MYRIP: variants seen among roughly 807,000 people sequenced by gnomAD.
MYRIP encodes rab effector MyRIP.
MYRIP carries 49 observed loss-of-function variants against 98.0 expected under a neutral mutation model. That is an observed-to-expected ratio of 0.50 (90% CI 0.40 to 0.63). MYRIP has a LOEUF of 0.63. Among genes scored for constraint, MYRIP ranks in the 30% least tolerant of loss-of-function variants. The probability of loss-of-function intolerance (pLI) is 0.00; values close to 1 mark genes in which losing one functional copy is unlikely to be tolerated. For missense variants in MYRIP, 1,004 were observed against 1,058.2 expected (o/e 0.95, Z 0.71); for synonymous variants, 404 against 409.5 (o/e 0.99, Z 0.16).
chr3:39,902,329 G>A (rs1425802990), intron 2 of MYRIP, among the ~76,000 whole-genome samples: 7 of 152,214 alleles, frequency 4.6e-5, no homozygotes, highest in African/African-American at 1.7e-4. Context: ...CAATAGGAGA[G>A]TAGATGGAGC....
chr3:40,108,319 G>A (rs1949094494), intron 3 of MYRIP, among the ~76,000 whole-genome samples: 1 of 71,894 alleles, frequency 1.4e-5, no homozygotes, highest in Non-Finnish European at 3.6e-5. Flanking sequence ...GTGGGAAGTG[G>A]GAGACAGAAG....
chr3:39,872,154 A>G (rs1942811750), intron 1 of MYRIP, among the ~76,000 whole-genome samples: 1 of 152,084 alleles, frequency 6.6e-6, no homozygotes, highest in African/African-American at 2.4e-5. Context: ...TGAATAGCAT[A>G]AATAGTGCTT....
intron 4 of MYRIP, among the ~76,000 whole-genome samples, chr3:40,152,954 CAAAA>C (rs3063626): frequency 6.8e-6 from 1 of 147,434 alleles, no homozygotes. Context: ...CTGTCTCTAC[CAAAA>C]AAAAAAAAAA....
intron 1 of MYRIP, among the ~76,000 whole-genome samples, chr3:39,832,223 A>G (rs1941471758): frequency 6.6e-6 from 1 of 152,212 alleles, no homozygotes; most frequent in Admixed American, 6.5e-5. Flanking sequence ...ATATGTTTGT[A>G]ACAACCTGGC....
rs112790424 is a variant in MYRIP at position 40,222,989 on chromosome 3, C to T, written c.1906-10870C>T. 3.9e-5 allele frequency among the ~76,000 whole-genome samples: 6 copies of T among 152,282 alleles called. 1 individual carries two copies. The highest frequency in any genetic ancestry group is 1.4e-4 in the African/African-American group (6 of 41,550). ...CCATTAATCTTCCCTGAACTAAAAT[C>T]TACATATGAATTTCAAACCATTGAG... On this transcript the variant is annotated intron_variant, in intron 11 of 16. Coordinates refer to ENST00000302541, the MANE Select transcript of MYRIP (RefSeq NM_015460.4).
chr3:40,220,244 C>A (rs570911180), intron 11 of MYRIP, among the ~76,000 whole-genome samples: 2 of 152,108 alleles, frequency 1.3e-5, no homozygotes, highest in East Asian at 1.9e-4. Context: ...AGCCCTTTGT[C>A]AGACGAGTAG....
intron 3 of MYRIP, among the ~76,000 whole-genome samples, chr3:40,058,531 G>A (rs548163701): frequency 2.7e-4 from 41 of 152,078 alleles, no homozygotes; most frequent in African/African-American, 9.6e-4. Context: ...TCTTTAATGT[G>A]CAATTTTTAA....
At chr3:39,922,287 A>G (rs1160878826) in intron 2 of MYRIP, among the ~76,000 whole-genome samples, 1 of 152,178 alleles carries the variant, frequency 6.6e-6, no homozygotes, top group Non-Finnish European at 1.5e-5. Flanking sequence ...AAGACAGACA[A>G]TTTTTACATG....
chr3:39,925,964 A>C (rs1944415109), intron 2 of MYRIP, among the ~76,000 whole-genome samples: 1 of 151,922 alleles, frequency 6.6e-6, no homozygotes, highest in African/African-American at 2.4e-5. Context: ...TGTAAGTGTT[A>C]TCTTTATTCC....
intron 3 of MYRIP, among the ~76,000 whole-genome samples, chr3:40,137,238 A>G (rs931625354): frequency 5.9e-5 from 9 of 152,256 alleles, no homozygotes; most frequent in Admixed American, 5.2e-4. Flanking sequence ...AACTACCATC[A>G]GAGAATACTA....
At chr3:40,237,884 C>A (rs1473284077) in intron 12 of MYRIP, among the ~76,000 whole-genome samples, 3 of 152,326 alleles carry the variant, frequency 2.0e-5, no homozygotes, top group South Asian at 2.1e-4. Flanking sequence ...ACAAAGATAT[C>A]CTGCCCTTTT....
At chr3:40,061,416 G>T (rs1320283348) in intron 3 of MYRIP, among the ~76,000 whole-genome samples, 2 of 152,148 alleles carry the variant, frequency 1.3e-5, no homozygotes, top group Non-Finnish European at 2.9e-5. Context: ...ACATGGTCTT[G>T]TTCTTTTTTA....
At chr3:40,032,756 G>A (rs1292462585) in intron 2 of MYRIP, among the ~76,000 whole-genome samples, 1 of 152,088 alleles carries the variant, frequency 6.6e-6, no homozygotes, top group Admixed American at 6.6e-5. Context: ...AACCCGGGCA[G>A]AGACACAACC....
chr3:40,200,721 G>A (rs1413942836), intron 10 of MYRIP, among the ~76,000 whole-genome samples: 1 of 152,132 alleles, frequency 6.6e-6, no homozygotes, highest in African/African-American at 2.4e-5. Flanking sequence ...CATTCAAATG[G>A]ATAGCAAGTC....
rs1474212739 is a variant in MYRIP at position 39,841,422 on chromosome 3, T to C, written c.-31+31506T>C. On this transcript the variant is annotated intron_variant, in intron 1 of 16. Coordinates refer to ENST00000302541, the MANE Select transcript of MYRIP (RefSeq NM_015460.4). ...ACATGCTCCTTTAGCTCGGAGGAGT[T>C]TGTTATTACCCACCTTCTGAAGCCT... 3.3e-5 allele frequency among the ~76,000 whole-genome samples: 5 copies of C among 152,116 alleles called. 1 individual carries two copies. The highest frequency in any genetic ancestry group is 1.2e-4 in the African/African-American group (5 of 41,412).
At chr3:40,175,986 A>C (rs1447476893) in intron 8 of MYRIP, among the ~76,000 whole-genome samples, 1 of 152,270 alleles carries the variant, frequency 6.6e-6, no homozygotes, top group Non-Finnish European at 1.5e-5. Context: ...CCATTGCTTG[A>C]GGACCATGCA....
intron 8 of MYRIP, among the ~76,000 whole-genome samples, chr3:40,177,580 G>A (rs1190515717): frequency 6.6e-6 from 1 of 152,182 alleles, no homozygotes; most frequent in Non-Finnish European, 1.5e-5. Flanking sequence ...CTTGGAAGAA[G>A]GTTCAGTGCG....
chr3:40,256,204 G>A (rs114065240), intron 16 of MYRIP, among the ~76,000 whole-genome samples: 532 of 152,172 alleles, frequency 3.5e-3, no homozygotes, highest in African/African-American at 0.012. Context: ...CAGAACAAAA[G>A]TTAAAAAACA....
At chr3:39,963,835 G>A (rs1005499493) in intron 2 of MYRIP, among the ~76,000 whole-genome samples, 3 of 152,062 alleles carry the variant, frequency 2.0e-5, no homozygotes, top group African/African-American at 7.2e-5. Context: ...CTAGTATAGT[G>A]ACATATTCAT....
Sources: allele counts gnomAD v4.1 joint callset (sites outside exome capture counted in the v4.1 genomes callset), GRCh38; gene constraint gnomAD v4.1.1; transcripts MANE v1.5; gene names NCBI Gene and HGNC (gene_info 2026-07-23, HGNC 2026-07-21).